The following CDH13 variants were observed in gnomAD, a reference collection of about 807,000 sequenced individuals.
CDH13 encodes cadherin-13.
Under a neutral mutation model 63.8 loss-of-function variants are expected in CDH13, and 24 were observed. The observed-to-expected ratio is 0.38, with a 90% CI of 0.27 to 0.53. The LOEUF (loss-of-function observed/expected upper bound fraction) is 0.53. Ranked by LOEUF, CDH13 falls within the 20% of genes least tolerant of loss-of-function variation. The pLI, the probability that CDH13 is intolerant of heterozygous loss-of-function variation, is 0.85. For synonymous variants in CDH13, 503 were observed against 355.3 expected, an observed-to-expected ratio of 1.42 and a Z score of -4.67; for missense variants, 1,049 against 903.1, an observed-to-expected ratio of 1.16 and a Z score of -2.07.
chr16:82,729,882 A>C (rs528556120), intron 1 of CDH13, among the ~76,000 whole-genome samples: 2 of 152,210 alleles, frequency 1.3e-5, no homozygotes, highest in Non-Finnish European at 2.9e-5. Context: ...AACTCTCTAC[A>C]TCAGCTCTTG....
At chr16:83,713,792 C>T (rs1908453295) in intron 10 of CDH13, among the ~76,000 whole-genome samples, 1 of 152,160 alleles carries the variant, frequency 6.6e-6, no homozygotes, top group East Asian at 1.9e-4. Context: ...CAAAACAGTC[C>T]ATGCCAGTGA....
chr16:83,038,648 G>C (rs1173798981), intron 3 of CDH13, among the ~76,000 whole-genome samples: 1 of 152,178 alleles, frequency 6.6e-6, no homozygotes, highest in African/African-American at 2.4e-5. Flanking sequence ...TGAGGGGTCT[G>C]CGTGTGTGTG....
At chr16:83,693,038 G>A (rs1007534496) in intron 10 of CDH13, among the ~76,000 whole-genome samples, 2 of 152,184 alleles carry the variant, frequency 1.3e-5, no homozygotes, top group African/African-American at 4.8e-5. Flanking sequence ...AGCTGAGACT[G>A]CACCACTACA....
intron 3 of CDH13, among the ~76,000 whole-genome samples, chr16:83,045,760 CA>C (rs979408836): frequency 6.6e-6 from 1 of 151,590 alleles, no homozygotes; most frequent in Non-Finnish European, 1.5e-5. Flanking sequence ...TCTCTGTTCT[CA>C]ACACCCAAAA....
intron 8 of CDH13, among the ~76,000 whole-genome samples, chr16:83,621,475 CTTTTTTTTTTTTTT>C (rs72032168): frequency 7.0e-5 from 2 of 28,532 alleles, no homozygotes; most frequent in East Asian, 2.1e-3. Context: ...CCTCACCTGC[CTTTTTTTTTTTTTT>C]TTTTTTTTTT....
At chr16:82,711,101 A>G (rs2031907098) in intron 1 of CDH13, among the ~76,000 whole-genome samples, 1 of 152,120 alleles carries the variant, frequency 6.6e-6, no homozygotes, top group Non-Finnish European at 1.5e-5. Context: ...ACCTCCTGGC[A>G]GTTTCTACGT....
At chr16:83,104,481 C>T (rs1470310754) in intron 3 of CDH13, among the ~76,000 whole-genome samples, 1 of 151,972 alleles carries the variant, frequency 6.6e-6, no homozygotes, top group Admixed American at 6.6e-5. Context: ...CTAAAGAGAG[C>T]CACATAAAAG....
intron 1 of CDH13, among the ~76,000 whole-genome samples, chr16:82,776,782 C>T (rs1433990002): frequency 6.6e-6 from 1 of 152,128 alleles, no homozygotes; most frequent in African/African-American, 2.4e-5. Flanking sequence ...CTCTCTTCTC[C>T]CACCAGAAAG....
chr16:83,784,565 G>A (rs1342892871), intron 13 of CDH13, among the ~76,000 whole-genome samples: 1 of 150,434 alleles, frequency 6.6e-6, no homozygotes, highest in Non-Finnish European at 1.5e-5. Flanking sequence ...CCGGGAGGCG[G>A]AGGTTGCAGT....
intron 2 of CDH13, among the ~76,000 whole-genome samples, chr16:82,940,539 T>A (rs1904276254): frequency 6.6e-6 from 1 of 152,228 alleles, no homozygotes; most frequent in South Asian, 2.1e-4. Context: ...ACTTCCAGAT[T>A]TGGTTCAGGT....
chr16:83,567,526 T>C (rs1167651644), intron 7 of CDH13, among the ~76,000 whole-genome samples: 1 of 152,218 alleles, frequency 6.6e-6, no homozygotes, highest in Non-Finnish European at 1.5e-5. Context: ...AAATATGTAC[T>C]TATTTAAAAA....
In CDH13 at chr16:83,500,220, GTTTCTTT is replaced by G. The variant is rs1327567566; in HGVS notation, c.960+13566_960+13572del. Among the ~76,000 whole-genome samples, 6 of 147,372 alleles carry G rather than the reference GTTTCTTT, an allele frequency of 4.1e-5. 1 individual carries two copies. Among genetic ancestry groups the G allele is most frequent in the African/African-American group, 7.5e-5 (3 of 39,890 alleles). On this transcript the variant is annotated intron_variant, in intron 7 of 13. Coordinates refer to ENST00000567109, the MANE Select transcript of CDH13 (RefSeq NM_001257.5). ...CTATCACATTTGAATTCAGACACTA[GTTTCTTT>G]CTTCTCCTTCTTCTTCTTCTTCTTC...
chr16:83,619,297 G>A (rs9939760), intron 8 of CDH13, among the ~76,000 whole-genome samples: 14,149 of 152,172 alleles, frequency 0.093, 1,663 homozygotes, highest in East Asian at 0.28. Context: ...CCAGCACATC[G>A]ATCCTGAATG....
At chr16:82,947,535 A>G (rs568955283) in intron 2 of CDH13, among the ~76,000 whole-genome samples, 1 of 152,036 alleles carries the variant, frequency 6.6e-6, no homozygotes, top group Admixed American at 6.5e-5. Context: ...ATTTTGACAC[A>G]TCTGCCTTAA....
chr16:83,149,591 TATA>T (rs2036888615), intron 4 of CDH13, among the ~76,000 whole-genome samples: 1 of 152,196 alleles, frequency 6.6e-6, no homozygotes, highest in Admixed American at 6.5e-5. Flanking sequence ...CTGAAATTAT[TATA>T]ATATTTTTGT....
At chr16:83,709,030 T>A (rs1907589772) in intron 10 of CDH13, among the ~76,000 whole-genome samples, 2 of 151,404 alleles carry the variant, frequency 1.3e-5, no homozygotes, top group Non-Finnish European at 2.9e-5. Flanking sequence ...TCTCAAAAAA[T>A]TAAATTAAAA....
intron 3 of CDH13, among the ~76,000 whole-genome samples, chr16:83,122,515 T>C (rs933407914): frequency 2.0e-5 from 3 of 152,164 alleles, no homozygotes. Flanking sequence ...ATTCCAACAG[T>C]TGCCCCACTG....
chr16:83,085,478 A>C (rs11645153), intron 3 of CDH13, among the ~76,000 whole-genome samples: 3 of 152,056 alleles, frequency 2.0e-5, no homozygotes, highest in Non-Finnish European at 4.4e-5. Flanking sequence ...CAAGACTGGG[A>C]GAATGTGGAA....
chr16:83,215,334 C>G (rs987347830), intron 4 of CDH13, among the ~76,000 whole-genome samples: 4 of 151,884 alleles, frequency 2.6e-5, no homozygotes, highest in African/African-American at 9.7e-5. Context: ...CCACCTTGGC[C>G]TCTCAAAGTG....
Sources: allele counts gnomAD v4.1 joint callset (sites outside exome capture counted in the v4.1 genomes callset), GRCh38; gene constraint gnomAD v4.1.1; transcripts MANE v1.5; gene names NCBI Gene and HGNC (gene_info 2026-07-23, HGNC 2026-07-21).